Variants in OR3A2 observed in about 807,000 individuals in gnomAD.
OR3A2 encodes the protein olfactory receptor 3A2.
For missense variants in OR3A2, 318 were observed against 392.8 expected, an observed-to-expected ratio of 0.81 and a Z score of 1.61; for synonymous variants, 126 against 159.3, an observed-to-expected ratio of 0.79 and a Z score of 1.57.
intron 1 of OR3A2, among the ~76,000 whole-genome samples, chr17:3,280,734 T>C (rs1240406871): frequency 6.6e-6 from 1 of 152,192 alleles, no homozygotes; most frequent in Non-Finnish European, 1.5e-5. Context: ...ACAGTGATGA[T>C]TGCCTGAGCT....
At chr17:3,282,174 G>T (rs570950876) in intron 1 of OR3A2, among the ~76,000 whole-genome samples, 1 of 152,250 alleles carries the variant, frequency 6.6e-6, no homozygotes, top group Admixed American at 6.5e-5. Flanking sequence ...CAGCACTTTG[G>T]GAGGCTGAGG....
chr17:3,350,207 A>G (rs1286945215), intron 2 of OR3A2, among the ~76,000 whole-genome samples: 1 of 152,092 alleles, frequency 6.6e-6, no homozygotes, highest in Non-Finnish European at 1.5e-5. Context: ...GGAAATAGAG[A>G]CACAAAAAAC....
intron 2 of OR3A2, among the ~76,000 whole-genome samples, chr17:3,373,953 G>C (rs9894337): frequency 0.15 from 23,054 of 152,102 alleles, 2,326 homozygotes; most frequent in African/African-American, 0.28. Flanking sequence ...TTTATTACCA[G>C]ATCCAGAACT....
intron 2 of OR3A2, among the ~76,000 whole-genome samples, chr17:3,353,733 T>C (rs1466533060): frequency 6.6e-6 from 1 of 151,866 alleles, no homozygotes; most frequent in Non-Finnish European, 1.5e-5. Flanking sequence ...ATGAGTTGTT[T>C]TGATACAGGC....
intron 3 of OR3A2, among the ~76,000 whole-genome samples, chr17:3,307,697 G>A (rs1457579008): frequency 2.0e-5 from 3 of 152,154 alleles, no homozygotes; most frequent in Admixed American, 6.5e-5. Flanking sequence ...AAGGCAAAGC[G>A]CTTGACTGAG....
In OR3A2 at chr17:3,283,718, G is replaced by C. The variant is rs2048791044; in HGVS notation, c.-7+640C>G. 2.6e-5 allele frequency among the ~76,000 whole-genome samples: 4 copies of C among 152,174 alleles called. No individual in the cohort carries two copies. The South Asian group carries it at 8.3e-4, about 32-fold the overall frequency. On this transcript the variant is annotated intron_variant, in intron 1 of 1. Transcript: ENST00000642052. ...TCCTCTGTGTTAACAGGACAAGCAGGTCATGGACCAGTCCACATCTTCTTT... is the reference window on the plus strand; with the variant it reads ...TCCTCTGTGTTAACAGGACAAGCAGCTCATGGACCAGTCCACATCTTCTTT...
intron 1 of OR3A2, among the ~76,000 whole-genome samples, chr17:3,283,517 G>A (rs564090449): frequency 3.9e-5 from 6 of 152,242 alleles, no homozygotes; most frequent in South Asian, 2.1e-4. Flanking sequence ...AAGTCACTGC[G>A]CCCGGCCGGT....
chr17:3,309,197 C>T (rs1030781876), intron 3 of OR3A2, among the ~76,000 whole-genome samples: 2 of 152,150 alleles, frequency 1.3e-5, no homozygotes, highest in Non-Finnish European at 2.9e-5. Context: ...TGAGTCACCA[C>T]GCCCGGCCGA....
chr17:3,342,756 C>A (rs892918330), intron 2 of OR3A2, among the ~76,000 whole-genome samples: 1 of 152,216 alleles, frequency 6.6e-6, no homozygotes, highest in African/African-American at 2.4e-5. Flanking sequence ...CTTGACGAGG[C>A]AGTCTGTCCA....
chr17:3,300,799 G>T (rs1262033610), intron 3 of OR3A2, among the ~76,000 whole-genome samples: 2 of 151,104 alleles, frequency 1.3e-5, no homozygotes, highest in Non-Finnish European at 2.9e-5. Flanking sequence ...CCATTAACTC[G>T]TCATTTACAT....
At position 3,334,176 on chromosome 17, in the gene OR3A2, C is replaced by T. The variant is rs148493739; in HGVS notation, c.-85+1857G>A. ...TTAGTGGGAGTGTAAATTAGTTCAACTACTGTGGAAGACAGTATGGCGATT... is the reference window on the plus strand; with the variant it reads ...TTAGTGGGAGTGTAAATTAGTTCAATTACTGTGGAAGACAGTATGGCGATT... On this transcript the variant is annotated intron_variant, in intron 3 of 4. Transcript: ENST00000573491. Among the ~76,000 whole-genome samples the T allele has an allele frequency of 3.8e-3, 573 of 152,280 alleles. 5 individuals carry two copies. Among genetic ancestry groups the T allele is most frequent in the African/African-American group, 0.013 (530 of 41,550 alleles).
chr17:3,346,470 T>A (rs1215068179), intron 2 of OR3A2, among the ~76,000 whole-genome samples: 2 of 152,200 alleles, frequency 1.3e-5, no homozygotes, highest in East Asian at 3.8e-4. Context: ...AGCAGCCACC[T>A]TGCCTATCAG....
chr17:3,286,580 G>A (rs2048815482), upstream of OR3A2, among the ~76,000 whole-genome samples: 1 of 145,234 alleles, frequency 6.9e-6, no homozygotes, highest in Non-Finnish European at 1.5e-5. Context: ...AGCATCTATT[G>A]TTTCCTGTTG....
chr17:3,351,976 C>A (rs918521326), intron 2 of OR3A2, among the ~76,000 whole-genome samples: 1 of 152,072 alleles, frequency 6.6e-6, no homozygotes, highest in Non-Finnish European at 1.5e-5. Context: ...AACTGGCTAG[C>A]CATATGTAGA....
chr17:3,334,478 G>T (rs932487020), intron 3 of OR3A2, among the ~76,000 whole-genome samples: 3 of 152,024 alleles, frequency 2.0e-5, no homozygotes, highest in Non-Finnish European at 2.9e-5. Flanking sequence ...ACAGAATTTC[G>T]TTCTTCTATA....
intron 3 of OR3A2, among the ~76,000 whole-genome samples, chr17:3,313,130 A>G (rs1320972014): frequency 2.0e-5 from 3 of 152,222 alleles, no homozygotes; most frequent in Non-Finnish European, 4.4e-5. Context: ...GAGAAATAAT[A>G]GAATCATAGT....
At chr17:3,341,277 A>ATAT (rs1449840718) in intron 2 of OR3A2, among the ~76,000 whole-genome samples, 2 of 150,528 alleles carry the variant, frequency 1.3e-5, no homozygotes, top group East Asian at 2.0e-4. Flanking sequence ...TTTAAGGTTA[A>ATAT]TGTTATGTGT....
intron 3 of OR3A2, among the ~76,000 whole-genome samples, chr17:3,332,834 T>C (rs2150643268): frequency 6.6e-6 from 1 of 152,332 alleles, no homozygotes; most frequent in Middle Eastern, 3.4e-3. Context: ...CTGTCTTTAA[T>C]CTCTTAACTC....
chr17:3,305,630 T>A (rs576438347), intron 3 of OR3A2, among the ~76,000 whole-genome samples: 1 of 152,220 alleles, frequency 6.6e-6, no homozygotes, highest in East Asian at 1.9e-4. Context: ...GTTAAGTGAA[T>A]GTTAGCACAT....
Sources: allele counts gnomAD v4.1 joint callset (sites outside exome capture counted in the v4.1 genomes callset), GRCh38; gene constraint gnomAD v4.1.1; transcripts MANE v1.5; gene names NCBI Gene and HGNC (gene_info 2026-07-23, HGNC 2026-07-21).